COBLL1: variants seen among roughly 807,000 people sequenced by gnomAD.
COBLL1 encodes cordon-bleu WH2 repeat protein like 1.
Under a neutral mutation model 94.8 loss-of-function variants are expected in COBLL1, and 50 were observed. That is an observed-to-expected ratio of 0.53 (90% CI 0.42 to 0.67). The LOEUF is 0.67. Ranked by LOEUF, COBLL1 falls within the 30% of genes least tolerant of loss-of-function variation. The pLI, the probability that COBLL1 is intolerant of heterozygous loss-of-function variation, is 0.00. For synonymous variants in COBLL1, 448 were observed against 473.8 expected (o/e 0.95, Z 0.71); for missense variants, 1,362 against 1,348.7 (o/e 1.01, Z -0.15).
chr2:164,840,341 A>G (rs1043700002), intron 2 of COBLL1, among the ~76,000 whole-genome samples: 1 of 152,160 alleles, frequency 6.6e-6, no homozygotes, highest in Admixed American at 6.5e-5. Flanking sequence ...GAGAAACTCA[A>G]CTAGCATCCA....
Position 164,732,830 on chromosome 2 carries a change from CG to C in COBLL1, c.231-2716del, listed in dbSNP as rs371086744. The stretch of plus-strand genomic sequence containing the variant: ...CAGCACTTTGGGAGGCCGAGGCAGG[CG>C]GATCATGACGTCAGGAGATCAAGGC... On this transcript the variant is annotated intron_variant, in intron 3 of 13. Transcript: ENST00000652658. Among the ~76,000 whole-genome samples, 39 of 152,192 alleles carry C rather than the reference CG, an allele frequency of 2.6e-4. No individual in the cohort carries two copies. In the South Asian group the frequency reaches 8.1e-3, roughly 32 times the overall value.
At chr2:164,666,795 C>T (rs957029520) in intron 1 of COBLL1, among the ~76,000 whole-genome samples, 3 of 152,220 alleles carry the variant, frequency 2.0e-5, no homozygotes, top group Admixed American at 6.5e-5. Context: ...CCAGTCACAT[C>T]TTCAGGCTCC....
intron 5 of COBLL1, among the ~76,000 whole-genome samples, chr2:164,726,779 T>G (rs1444431478): frequency 6.6e-6 from 1 of 152,100 alleles, no homozygotes; most frequent in East Asian, 1.9e-4. Context: ...AAATGCTTCC[T>G]CGGTACTACC....
intron 2 of COBLL1, among the ~76,000 whole-genome samples, chr2:164,749,406 C>T (rs1687019872): frequency 6.6e-6 from 1 of 151,986 alleles, no homozygotes; most frequent in Non-Finnish European, 1.5e-5. Flanking sequence ...TAACAGTAAC[C>T]CTCTCTCAGC....
chr2:164,794,375 G>T (rs964475023), intron 2 of COBLL1, among the ~76,000 whole-genome samples: 1 of 152,126 alleles, frequency 6.6e-6, no homozygotes, highest in South Asian at 2.1e-4. Flanking sequence ...TTGAGTTTGG[G>T]AGGTATGTTA....
chr2:164,672,459 G>T (rs1255523379), intron 1 of COBLL1, among the ~76,000 whole-genome samples: 1 of 152,144 alleles, frequency 6.6e-6, no homozygotes, highest in Non-Finnish European at 1.5e-5. Context: ...AGCACTTTGG[G>T]AGGCCGAGGC....
intron 2 of COBLL1, among the ~76,000 whole-genome samples, chr2:164,816,068 A>G (rs1684728849): frequency 6.6e-6 from 1 of 152,134 alleles, no homozygotes; most frequent in Non-Finnish European, 1.5e-5. Context: ...GCAAAAACAT[A>G]GAAGACAGAA....
At chr2:164,803,692 C>T (rs1409551073) in intron 2 of COBLL1, among the ~76,000 whole-genome samples, 1 of 152,144 alleles carries the variant, frequency 6.6e-6, no homozygotes, top group African/African-American at 2.4e-5. Flanking sequence ...TGTCAACTAA[C>T]ATTGTACAAA....
rs1684486967 is a variant in COBLL1, at chr2:164,704,569, A to G, written c.1151-51T>C. ...ATAAAGTCATATTCACAAATAAAAC[A>G]ATTCCTTAACAGTTTAACTTAGTTA... On this transcript the variant is annotated intron_variant, in intron 8 of 13. Transcript: ENST00000652658. The G allele has an allele frequency of 2.8e-6, 4 of 1,410,604 alleles. No individual in the cohort carries two copies. In the Admixed American group the frequency reaches 6.7e-5, roughly 24 times the overall value. 87.4% of individuals were successfully genotyped at this position (1,410,604 alleles called of 1,614,324 possible). A position where few individuals can be genotyped will look rare whatever the true frequency, so the allele number is the denominator to read the frequency against.
chr2:164,809,884 A>T (rs1258601628), intron 2 of COBLL1, among the ~76,000 whole-genome samples: 5 of 150,862 alleles, frequency 3.3e-5, no homozygotes, highest in Non-Finnish European at 7.4e-5. Flanking sequence ...GAACCACACA[A>T]TTCTGGTAAT....
chr2:164,791,113 T>C (rs1683168123), intron 2 of COBLL1, among the ~76,000 whole-genome samples: 1 of 152,084 alleles, frequency 6.6e-6, no homozygotes, highest in Admixed American at 6.6e-5. Flanking sequence ...TTTGAAAAAG[T>C]GCAGAATACT....
chr2:164,667,484 A>G (rs1049985305), intron 1 of COBLL1, among the ~76,000 whole-genome samples: 1 of 152,224 alleles, frequency 6.6e-6, no homozygotes, highest in Non-Finnish European at 1.5e-5. Context: ...TTCTTCCAAG[A>G]GAAGGCTGTT....
chr2:164,737,494 T>C (rs1686366825), intron 3 of COBLL1, among the ~76,000 whole-genome samples: 1 of 152,154 alleles, frequency 6.6e-6, no homozygotes, highest in Admixed American at 6.5e-5. Context: ...AATGCCAACT[T>C]TTGTTTTAGG....
intron 11 of COBLL1, among the ~76,000 whole-genome samples, chr2:164,699,088 T>A (rs189525972): frequency 3.5e-5 from 2 of 56,496 alleles, no homozygotes; most frequent in Middle Eastern, 6.8e-3. Context: ...AATTAGATAA[T>A]TTCTATGTTT....
intron 2 of COBLL1, among the ~76,000 whole-genome samples, chr2:164,766,795 G>A (rs1687953020): frequency 6.6e-6 from 1 of 152,054 alleles, no homozygotes; most frequent in South Asian, 2.1e-4. Flanking sequence ...TAAAGCCACT[G>A]GCATTTAAAA....
At chr2:164,677,153 G>A (rs916172273), downstream of COBLL1, among the ~76,000 whole-genome samples, 6 of 152,074 alleles carry the variant, frequency 3.9e-5, no homozygotes, top group African/African-American at 1.4e-4. Context: ...AATTTTATAT[G>A]TTGCCTTCTG....
chr2:164,781,518 T>C (rs1688723456), intron 2 of COBLL1, among the ~76,000 whole-genome samples: 1 of 152,176 alleles, frequency 6.6e-6, no homozygotes, highest in Non-Finnish European at 1.5e-5. Context: ...GCTGCTGAGG[T>C]GCTCTTTCCC....
intron 7 of COBLL1, among the ~76,000 whole-genome samples, chr2:164,714,948 A>G (rs1031312392): frequency 6.6e-6 from 1 of 152,230 alleles, no homozygotes; most frequent in Non-Finnish European, 1.5e-5. Flanking sequence ...TTTGAATAAT[A>G]TATTTTTCCT....
At chr2:164,674,280 C>T (rs530209948) in intron 1 of COBLL1, among the ~76,000 whole-genome samples, 3 of 152,250 alleles carry the variant, frequency 2.0e-5, no homozygotes, top group African/African-American at 7.2e-5. Flanking sequence ...AGGATGGCCT[C>T]GATCTCTTGA....
Sources: gnomAD v4.1 joint callset for allele counts (sites outside exome capture counted in the v4.1 genomes callset) on GRCh38, gnomAD v4.1.1 for gene constraint, MANE v1.5 for transcripts, NCBI Gene and HGNC (gene_info 2026-07-23, HGNC 2026-07-21) for gene names.